Variants in CACNA2D3 observed in about 807,000 individuals in gnomAD.
CACNA2D3 encodes calcium voltage-gated channel auxiliary subunit alpha2delta 3, also known as voltage-dependent calcium channel subunit alpha-2/delta-3.
CACNA2D3 carries 60 observed loss-of-function variants against 160.6 expected under a neutral mutation model. The observed-to-expected ratio is 0.37, with a 90% CI of 0.30 to 0.46. CACNA2D3 has a LOEUF of 0.46. Ranked by LOEUF, CACNA2D3 falls within the 20% of genes least tolerant of loss-of-function variation. CACNA2D3 has a pLI of 1.00. For synonymous variants in CACNA2D3, 558 were observed against 492.9 expected, an observed-to-expected ratio of 1.13 and a Z score of -1.75; for missense variants, 1,205 against 1,365.0, an observed-to-expected ratio of 0.88 and a Z score of 1.85.
intron 27 of CACNA2D3, chr3:54,919,006 T>C: frequency 4.6e-6 from 3 of 657,922 alleles, no homozygotes; most frequent in Middle Eastern, 4.8e-4. Context: ...TTTTTTTTTT[T>C]TAAATCCTGG....
intron 35 of CACNA2D3, among the ~76,000 whole-genome samples, chr3:55,046,266 C>A (rs1382891189): frequency 2.9e-5 from 4 of 137,620 alleles, no homozygotes; most frequent in Admixed American, 7.0e-5. Context: ...CCCACCCCAC[C>A]ACAGTCCCCA....
intron 5 of CACNA2D3, among the ~76,000 whole-genome samples, chr3:54,511,188 C>T (rs1163361385): frequency 6.6e-6 from 1 of 152,234 alleles, no homozygotes; most frequent in African/African-American, 2.4e-5. Context: ...CCATGTCTTT[C>T]CCTCTGGCCC....
At chr3:54,618,412 C>CACACACAG (rs1242088540) in intron 9 of CACNA2D3, among the ~76,000 whole-genome samples, 2 of 146,122 alleles carry the variant, frequency 1.4e-5, no homozygotes, top group South Asian at 2.2e-4. Flanking sequence ...CACACACACA[C>CACACACAG]AGTGCCTTAC....
intron 35 of CACNA2D3, among the ~76,000 whole-genome samples, chr3:55,051,979 A>G (rs563948931): frequency 1.3e-5 from 2 of 152,224 alleles, no homozygotes; most frequent in East Asian, 1.9e-4. Flanking sequence ...CACGGTGCAC[A>G]CACCCATGAC....
chr3:54,428,474 C>T (rs1221311394), intron 4 of CACNA2D3, among the ~76,000 whole-genome samples: 1 of 152,028 alleles, frequency 6.6e-6, no homozygotes, highest in East Asian at 1.9e-4. Context: ...CACTAGATGT[C>T]GCTGATGATT....
At chr3:54,271,191 A>G (rs1389019437) in intron 2 of CACNA2D3, among the ~76,000 whole-genome samples, 4 of 152,188 alleles carry the variant, frequency 2.6e-5, no homozygotes, top group African/African-American at 2.4e-5. Flanking sequence ...TTCACCACCT[A>G]TAAAATGAGA....
At chr3:55,019,427 C>G (rs941809360) in intron 35 of CACNA2D3, among the ~76,000 whole-genome samples, 2 of 151,952 alleles carry the variant, frequency 1.3e-5, no homozygotes, top group African/African-American at 4.8e-5. Context: ...TTATAATAAA[C>G]TAAGTATATG....
At chr3:54,275,072 A>T (rs1301739477) in intron 2 of CACNA2D3, among the ~76,000 whole-genome samples, 1 of 152,252 alleles carries the variant, frequency 6.6e-6, no homozygotes, top group East Asian at 1.9e-4. Flanking sequence ...AATCCTGCTT[A>T]TGAGCCTGTG....
At chr3:54,148,327 G>A (rs1700075854) in intron 2 of CACNA2D3, among the ~76,000 whole-genome samples, 1 of 152,250 alleles carries the variant, frequency 6.6e-6, no homozygotes, top group Non-Finnish European at 1.5e-5. Flanking sequence ...ATGCCTTCCA[G>A]TACAGGCTGC....
intron 5 of CACNA2D3, among the ~76,000 whole-genome samples, chr3:54,512,935 T>C (rs1701482569): frequency 6.6e-6 from 1 of 152,146 alleles, no homozygotes; most frequent in East Asian, 1.9e-4. Flanking sequence ...ACATCTTACA[T>C]GGACGGCAGC....
intron 3 of CACNA2D3, among the ~76,000 whole-genome samples, chr3:54,370,200 C>A (rs1228621091): frequency 6.6e-6 from 1 of 152,178 alleles, no homozygotes; most frequent in Admixed American, 6.5e-5. Flanking sequence ...TTTTAATTAG[C>A]AGTATTCATA....
At chr3:54,636,430 G>A (rs1041332918) in intron 10 of CACNA2D3, among the ~76,000 whole-genome samples, 1 of 152,016 alleles carries the variant, frequency 6.6e-6, no homozygotes, top group African/African-American at 2.4e-5. Context: ...GAGTACAGCT[G>A]AAGGAGCCAG....
Position 54,644,685 on chromosome 3 carries a change from T to C in CACNA2D3, c.1167+2444T>C, listed in dbSNP as rs184996469. Among the ~76,000 whole-genome samples, 496 of 152,324 alleles carry C rather than the reference T, an allele frequency of 3.3e-3. 4 individuals are homozygous for C. The highest frequency in any genetic ancestry group is 0.011 in the Admixed American group (176 of 15,308). ...AATGTGATTCCCATAAAACAGTAGT[T>C]CTCAAACTTGAGTGAGCTTCGGGAT... On this transcript the variant is annotated intron_variant, in intron 11 of 37. Transcript: ENST00000474759.
chr3:54,332,994 C>T (rs757204961), intron 3 of CACNA2D3, among the ~76,000 whole-genome samples: 17 of 152,116 alleles, frequency 1.1e-4, no homozygotes, highest in Non-Finnish European at 2.2e-4. Flanking sequence ...CAAACATACA[C>T]CAGGTCCTGG....
At chr3:54,857,920 C>T (rs574109089) in intron 17 of CACNA2D3, among the ~76,000 whole-genome samples, 2 of 152,048 alleles carry the variant, frequency 1.3e-5, no homozygotes, top group African/African-American at 2.4e-5. Context: ...GGAGCCTTGG[C>T]TTTATGCTAT....
chr3:54,760,491 A>T (rs1702062973), intron 12 of CACNA2D3, among the ~76,000 whole-genome samples: 1 of 152,126 alleles, frequency 6.6e-6, no homozygotes, highest in Admixed American at 6.5e-5. Context: ...TCTGGATTTT[A>T]TTTTAACTCT....
intron 18 of CACNA2D3, among the ~76,000 whole-genome samples, chr3:54,872,267 C>T (rs943295370): frequency 2.0e-5 from 3 of 152,172 alleles, no homozygotes; most frequent in Middle Eastern, 3.2e-3. Flanking sequence ...GTCAGGTCTT[C>T]TTGGTACTTC....
At chr3:54,878,961 T>C in intron 18 of CACNA2D3, 57 bp from the exon 19 acceptor site, 3 of 1,098,430 alleles carry the variant, frequency 2.7e-6, no homozygotes, top group Non-Finnish European at 4.0e-6. Flanking sequence ...ATGCAAGATG[T>C]CCAGATTACA....
intron 6 of CACNA2D3, among the ~76,000 whole-genome samples, chr3:54,565,245 C>T (rs1177829218): frequency 6.6e-6 from 1 of 152,148 alleles, no homozygotes; most frequent in East Asian, 1.9e-4. Context: ...TCAGTGACCA[C>T]CATGGGGAGA....
Sources: allele counts gnomAD v4.1 joint callset (sites outside exome capture counted in the v4.1 genomes callset), GRCh38; gene constraint gnomAD v4.1.1; transcripts MANE v1.5; gene names NCBI Gene and HGNC (gene_info 2026-07-23, HGNC 2026-07-21).